The following REG1A variants were observed in gnomAD, a reference collection of about 807,000 sequenced individuals.
REG1A encodes lithostathine-1-alpha.
REG1A carries 20 observed loss-of-function variants against 20.7 expected under a neutral mutation model. That is an observed-to-expected ratio of 0.97 (90% CI 0.68 to 1.41). The LOEUF (loss-of-function observed/expected upper bound fraction) is 1.41. Among genes scored for constraint, REG1A ranks in the 40% most tolerant of loss-of-function variants. The pLI, the probability that REG1A is intolerant of heterozygous loss-of-function variation, is 0.00. For synonymous variants in REG1A, 90 were observed against 71.6 expected (o/e 1.26, Z -1.30); for missense variants, 193 against 201.8 (o/e 0.96, Z 0.26).
chr2:79,121,177 A>G (rs531652644), intron 2 of REG1A, among the ~76,000 whole-genome samples: 19 of 152,170 alleles, frequency 1.2e-4, no homozygotes, highest in Non-Finnish European at 2.2e-4. Flanking sequence ...TTATCTGATT[A>G]AATTTATACG....
chr2:79,122,232 G>A, intron 4 of REG1A, 107 bp downstream of exon 4: 1 of 1,269,520 alleles, frequency 7.9e-7, no homozygotes. Context: ...CCAGAAATCA[G>A]GCTGTTTACA....
chr2:79,123,004 C>T (rs745683748), intron 5 of REG1A, 52 bp downstream of exon 5: 1 of 1,532,112 alleles, frequency 6.5e-7, no homozygotes, highest in Admixed American at 1.7e-5. Context: ...TGCTTAGCTC[C>T]AGGGATGGAA....
rs1368643464 is a variant in REG1A at position 79,120,850 on chromosome 2, T to C, written c.-12T>C. ...ATTTGCCTCTTAAGCAAGAGATTCA[T>C]TGCAGCTCAGCATGGCTCAGACCAG... On this transcript the variant is annotated 5_prime_UTR_variant, in exon 2 of 6. Coordinates refer to ENST00000233735, the MANE Select transcript of REG1A (RefSeq NM_002909.5). 6 of 1,599,642 alleles carry C rather than the reference T, an allele frequency of 3.8e-6. No homozygotes were observed. Among genetic ancestry groups the C allele is most frequent in the East Asian group, 2.2e-5 (1 of 44,554 alleles).
chr2:79,122,018 C>G lies in REG1A; in HGVS notation c.214C>G (p.Leu72Val). 1 of 1,614,056 alleles carries G rather than the reference C, an allele frequency of 6.2e-7. No individual in the cohort carries two copies. The highest frequency in any genetic ancestry group is 8.5e-7 in the Non-Finnish European group (1 of 1,180,000). The stretch of plus-strand genomic sequence containing the variant: ...TTGCCAGAACATGAATTCGGGCAAC[C>G]TGGTGTCTGTGCTCACCCAGGCCGA... ...LYCQNMNSGNLVSVLTQAEGA... is the reference protein window; with the variant it reads ...LYCQNMNSGNVVSVLTQAEGA... The change falls in exon 4 of 6, where the codon CTG becomes GTG. Residue 72 changes from leucine (L) to valine (V), a missense_variant. Physicochemically the swap from Leu to Val is conservative, Grantham distance 32. Transcript: ENST00000233735.
At chr2:79,121,507 C>G (rs1672885466) in intron 2 of REG1A, 55 bp from the exon 3 acceptor site, 1 of 1,447,932 alleles carries the variant, frequency 6.9e-7, no homozygotes, top group African/African-American at 1.4e-5. Context: ...CTTACCTCAC[C>G]TTCAAGCCTT....
rs751900312 is a variant in REG1A at position 79,122,131 on chromosome 2, C to T, written c.321+6C>T. 3.7e-6 allele frequency: 6 copies of T among 1,613,412 alleles called. No individual in the cohort carries two copies. In the African/African-American group the frequency reaches 4.0e-5, roughly 11 times the overall value. On this transcript the variant is annotated splice_donor_region_variant and intron_variant, in intron 4 of 5. Coordinates refer to ENST00000233735, the MANE Select transcript of REG1A (RefSeq NM_002909.5). Reference sequence around the variant, plus strand: ...GCCTCCATGACCCCAAAAAGGTAGGCTGCAGCCTTCTTTATCTCCTAATGA... The same window carrying T: ...GCCTCCATGACCCCAAAAAGGTAGGTTGCAGCCTTCTTTATCTCCTAATGA...
rs1252707162 is a variant in REG1A, at chr2:79,120,541, G to A, written c.-47+27G>A. ...TAAGTGGGCATTACAGGAGAAGGGC[G>A]TCTCTAACATGCACTGTAGATCTAA... is the stretch of plus-strand genomic sequence containing the variant. On this transcript the variant is annotated intron_variant, in intron 1 of 5. Coordinates refer to ENST00000233735, the MANE Select transcript of REG1A (RefSeq NM_002909.5). 6.3e-5 allele frequency: 16 copies of A among 255,134 alleles called. No homozygotes were observed. In the Admixed American group the frequency reaches 7.6e-4, roughly 12 times the overall value. The allele number at this position is 255,134 out of a possible 1,614,324, so 15.8% of individuals were successfully genotyped here.
Position 79,121,636 on chromosome 2 carries a change from T to C in REG1A, c.139T>C (p.Cys47Arg). ...AGGCACCAATGCCTATCGCTCCTAC[T>C]GCTACTACTTTAATGAAGACCGTGA... ...PEGTNAYRSY[C>R]YYFNEDRETW... The change falls in exon 3 of 6, where the codon TGC (cysteine) becomes CGC (arginine). Residue 47 changes from cysteine to arginine, a missense_variant. Transcript: ENST00000233735. 2 of 1,614,076 alleles carry C rather than the reference T, an allele frequency of 1.2e-6. No homozygotes were observed. The highest frequency in any genetic ancestry group is 1.7e-6 in the Non-Finnish European group (2 of 1,180,008).
chr2:79,122,552 T>G (rs1672903291), intron 4 of REG1A, among the ~76,000 whole-genome samples: 1 of 152,112 alleles, frequency 6.6e-6, no homozygotes, highest in Non-Finnish European at 1.5e-5. Flanking sequence ...AATGCTATGC[T>G]GGATATGAGG....
At chr2:79,120,999 A>G in intron 2 of REG1A, 74 bp downstream of exon 2, 1 of 1,091,858 alleles carries the variant, frequency 9.2e-7, no homozygotes, top group Non-Finnish European at 1.3e-6. Flanking sequence ...ATACGGGTCT[A>G]CTTGAAAAAA....
chr2:79,121,897 C>T (rs1171688426), intron 3 of REG1A, 91 bp from the exon 4 acceptor site: 25 of 1,529,250 alleles, frequency 1.6e-5, no homozygotes, highest in Admixed American at 8.5e-5. Context: ...CATTACTCTG[C>T]TGTCCTTTTT....
chr2:79,121,983 A>T lies in REG1A; in HGVS notation c.184-5A>T. 1 of 1,613,604 alleles carries T rather than the reference A, an allele frequency of 6.2e-7. No homozygotes were observed. The highest frequency in any genetic ancestry group is 8.5e-7 in the Non-Finnish European group (1 of 1,179,800). ...CACTGAGTGCTCCATTTTCTTCTGC[A>T]ACAGCTCTATTGCCAGAACATGAAT... On this transcript the variant is annotated splice_region_variant and splice_polypyrimidine_tract_variant and intron_variant, in intron 3 of 5. Transcript: ENST00000233735.
chr2:79,121,348 G>C (rs1383918218), intron 2 of REG1A, among the ~76,000 whole-genome samples: 3 of 152,176 alleles, frequency 2.0e-5, no homozygotes, highest in Admixed American at 2.0e-4. Context: ...AGGGAAACTG[G>C]AGACTTGTTT....
chr2:79,122,055 T>C lies in REG1A; in HGVS notation c.251T>C (p.Val84Ala). Reference protein sequence around the residue: ...SVLTQAEGAFVASLIKESGTD... With the variant: ...SVLTQAEGAFAASLIKESGTD... ...CTCACCCAGGCCGAGGGTGCCTTTG[T>C]GGCCTCACTGATTAAGGAGAGTGGC... The change falls in exon 4 of 6, where the codon GTG (valine) becomes GCG (alanine). Residue 84 changes from valine (V) to alanine (A), a missense_variant. By Grantham distance (64) the Val-to-Ala change is moderately conservative. Transcript: ENST00000233735. The C allele has an allele frequency of 6.2e-7, 1 of 1,614,100 alleles. No homozygotes were observed. Among genetic ancestry groups the C allele is most frequent in the Non-Finnish European group, 8.5e-7 (1 of 1,180,006 alleles).
At position 79,122,924 on chromosome 2, in the gene REG1A, C is replaced by T; in HGVS notation, c.405C>T (p.Gly135=). 1.2e-6 allele frequency: 2 copies of T among 1,614,066 alleles called. No individual in the cohort carries two copies. The highest frequency in any genetic ancestry group is 1.7e-6 in the Non-Finnish European group (2 of 1,179,968). Residue 135 remains glycine (G), a synonymous_variant, in exon 5 of 6, where the codon GGC becomes GGT. Transcript: ENST00000233735. Reference sequence around the variant, plus strand: ...GAGCCCCAAGCAGTGTTAATCCTGGCTACTGTGTGAGCCTGACCTCAAGCA... The same window carrying T: ...GAGCCCCAAGCAGTGTTAATCCTGGTTACTGTGTGAGCCTGACCTCAAGCA... ...GIGAPSSVNP[G]YCVSLTSSTG...
intron 4 of REG1A, among the ~76,000 whole-genome samples, chr2:79,122,446 G>A (rs1196008737): frequency 6.6e-6 from 1 of 152,172 alleles, no homozygotes; most frequent in African/African-American, 2.4e-5. Flanking sequence ...ATATAGGAAA[G>A]GAGACTTGTG....
chr2:79,123,010 T>A, intron 5 of REG1A, 58 bp downstream of exon 5: 1 of 1,514,722 alleles, frequency 6.6e-7, no homozygotes, highest in Non-Finnish European at 9.2e-7. Flanking sequence ...GCTCCAGGGA[T>A]GGAACTGGGA....
At chr2:79,122,463 A>G (rs568558640) in intron 4 of REG1A, among the ~76,000 whole-genome samples, 1 of 152,184 alleles carries the variant, frequency 6.6e-6, no homozygotes. Flanking sequence ...TGTGGTAAAA[A>G]TCTGCTGCTG....
chr2:79,122,082 C>T lies in REG1A; in HGVS notation c.278C>T (p.Thr93Ile), dbSNP rs1225332511. 5 of 1,614,118 alleles carry T rather than the reference C, an allele frequency of 3.1e-6. No individual in the cohort carries two copies. The highest frequency in any genetic ancestry group is 1.7e-5 in the Admixed American group (1 of 60,002). ...FVASLIKESGTDDFNVWIGLH... is the reference protein window; with the variant it reads ...FVASLIKESGIDDFNVWIGLH... The stretch of plus-strand genomic sequence containing the variant: ...GCCTCACTGATTAAGGAGAGTGGCA[C>T]TGATGACTTCAATGTCTGGATTGGC... Residue 93 changes from threonine (T) to isoleucine (I), a missense_variant, in exon 4 of 6, where the codon ACT becomes ATT. Transcript: ENST00000233735.
Sources: gnomAD v4.1 joint callset for allele counts (sites outside exome capture counted in the v4.1 genomes callset) on GRCh38, gnomAD v4.1.1 for gene constraint, MANE v1.5 for transcripts, NCBI Gene and HGNC (gene_info 2026-07-23, HGNC 2026-07-21) for gene names.